MYO18B: variants seen among roughly 807,000 people sequenced by gnomAD.
MYO18B encodes the protein myosin XVIIIB.
In MYO18B, 204 loss-of-function variants were observed where a neutral mutation model predicts 273.0. That is an observed-to-expected ratio of 0.75 (90% CI 0.67 to 0.84). The LOEUF (loss-of-function observed/expected upper bound fraction) is 0.84, where lower values mean the gene tolerates loss of function less well. Ranked by LOEUF, MYO18B falls within the 40% of genes least tolerant of loss-of-function variation. The pLI is 0.00. For synonymous variants in MYO18B, 1,330 were observed against 1,305.7 expected, an observed-to-expected ratio of 1.02 and a Z score of -0.40; for missense variants, 3,212 against 3,287.6, an observed-to-expected ratio of 0.98 and a Z score of 0.56.
chr22:25,943,311 C>T (rs2092666076), intron 34 of MYO18B, among the ~76,000 whole-genome samples: 1 of 152,160 alleles, frequency 6.6e-6, no homozygotes, highest in East Asian at 1.9e-4. Context: ...CCCTTCCACC[C>T]CGGCTGGAGC....
chr22:25,993,445 C>A (rs1932915759), intron 40 of MYO18B, among the ~76,000 whole-genome samples: 1 of 152,214 alleles, frequency 6.6e-6, no homozygotes, highest in Admixed American at 6.5e-5. Context: ...TGCCCCTGTA[C>A]ACACCTGAGC....
intron 33 of MYO18B, among the ~76,000 whole-genome samples, chr22:25,916,552 A>G (rs1177172691): frequency 2.0e-5 from 3 of 151,946 alleles, no homozygotes; most frequent in Non-Finnish European, 4.4e-5. Flanking sequence ...TTTTCTTTTA[A>G]CCTGTAAGTT....
chr22:26,016,357 G>T (rs1483775425), intron 42 of MYO18B, among the ~76,000 whole-genome samples: 1 of 149,072 alleles, frequency 6.7e-6, no homozygotes, highest in Non-Finnish European at 1.5e-5. Flanking sequence ...GGTGTAGAAT[G>T]AGGGGTTCAA....
chr22:25,851,749 AAT>A (rs2090434033), intron 21 of MYO18B, among the ~76,000 whole-genome samples, 170 bp downstream of exon 21: 1 of 152,206 alleles, frequency 6.6e-6, no homozygotes. Flanking sequence ...CAGCCTGGGC[AAT>A]ATGACTTTGA....
chr22:25,917,129 T>C (rs2092272918), intron 33 of MYO18B, among the ~76,000 whole-genome samples: 1 of 152,180 alleles, frequency 6.6e-6, no homozygotes, highest in Non-Finnish European at 1.5e-5. Flanking sequence ...ACATGGCAAA[T>C]GAATCAACCT....
chr22:25,905,593 T>A (rs1274549565), intron 31 of MYO18B, among the ~76,000 whole-genome samples: 1 of 152,002 alleles, frequency 6.6e-6, no homozygotes, highest in Non-Finnish European at 1.5e-5. Context: ...AATGAGAGAG[T>A]TCTAGGCAGG....
At chr22:26,014,800 C>G (rs1328824876) in intron 42 of MYO18B, among the ~76,000 whole-genome samples, 9 of 152,146 alleles carry the variant, frequency 5.9e-5, no homozygotes, top group Non-Finnish European at 1.2e-4. Flanking sequence ...CTTTGCATTT[C>G]TAATGATCAG....
intron 39 of MYO18B, among the ~76,000 whole-genome samples, chr22:25,990,055 G>A (rs1440426398): frequency 2.0e-5 from 3 of 152,112 alleles, no homozygotes; most frequent in Non-Finnish European, 1.5e-5. Flanking sequence ...CCACCACCAC[G>A]GCGTCCTTCC....
intron 14 of MYO18B, among the ~76,000 whole-genome samples, chr22:25,828,414 A>G (rs1274952003): frequency 1.3e-5 from 2 of 152,240 alleles, no homozygotes; most frequent in South Asian, 2.1e-4. Context: ...TGTATTAAAT[A>G]AAATAGTTTT....
chr22:25,992,284 C>A, intron 39 of MYO18B, 79 bp from the exon 40 acceptor site: 1 of 1,553,990 alleles, frequency 6.4e-7, no homozygotes, highest in Non-Finnish European at 8.8e-7. Context: ...CAGCCTGGGG[C>A]GTGTCTCTTC....
At chr22:26,000,754 T>C (rs1368373386) in intron 40 of MYO18B, among the ~76,000 whole-genome samples, 2 of 152,126 alleles carry the variant, frequency 1.3e-5, no homozygotes, top group Non-Finnish European at 2.9e-5. Context: ...TTGGAGACCA[T>C]CTCAAATGGT....
At chr22:25,895,042 G>C in intron 27 of MYO18B, 114 bp from the exon 28 acceptor site, 1 of 1,278,394 alleles carries the variant, frequency 7.8e-7, no homozygotes, top group Non-Finnish European at 1.1e-6. Context: ...CAAGGGCTCT[G>C]TGAATATTGT....
the MYO18B span, among the ~76,000 whole-genome samples, chr22:26,062,106 A>G: frequency 6.6e-6 from 1 of 152,270 alleles, no homozygotes; most frequent in African/African-American, 2.4e-5. Flanking sequence ...GATATGATGA[A>G]TATTTGTTGT....
At chr22:25,900,588 G>C (rs547529103) in intron 29 of MYO18B, 2 of 152,270 alleles carry the variant, frequency 1.3e-5, no homozygotes, top group Non-Finnish European at 2.9e-5. Context: ...TGAAATTCCG[G>C]GTAAGCCCTG....
At chr22:25,921,126 A>G in intron 33 of MYO18B, 131 bp from the exon 34 acceptor site, 1 of 869,216 alleles carries the variant, frequency 1.2e-6, no homozygotes. Context: ...GGAGAGGAGA[A>G]TGGTCTTGTC....
At chr22:25,829,946 G>A (rs1003841864) in intron 15 of MYO18B, among the ~76,000 whole-genome samples, 11 of 152,190 alleles carry the variant, frequency 7.2e-5, no homozygotes, top group Middle Eastern at 3.4e-3. Flanking sequence ...ATGAACATAC[G>A]TGTGTCTCTA....
chr22:26,005,849 G>A (rs1022647467), intron 42 of MYO18B, among the ~76,000 whole-genome samples: 1 of 152,186 alleles, frequency 6.6e-6, no homozygotes, highest in African/African-American at 2.4e-5. Flanking sequence ...TTGGCAAATG[G>A]CAAATGTCTG....
chr22:25,947,571 G>C (rs1219674771), intron 35 of MYO18B, 141 bp from the exon 36 acceptor site: 2 of 559,140 alleles, frequency 3.6e-6, no homozygotes, highest in Non-Finnish European at 6.5e-6. Flanking sequence ...CACATGCATT[G>C]GTAACCACAG....
chr22:25,859,303 A>G (rs1026192958), intron 21 of MYO18B, among the ~76,000 whole-genome samples: 1 of 152,202 alleles, frequency 6.6e-6, no homozygotes, highest in Non-Finnish European at 1.5e-5. Context: ...TTTTCTGACT[A>G]TTATGAAAAA....
Sources: allele counts gnomAD v4.1 joint callset (sites outside exome capture counted in the v4.1 genomes callset), GRCh38; gene constraint gnomAD v4.1.1; transcripts MANE v1.5; gene names NCBI Gene and HGNC (gene_info 2026-07-23, HGNC 2026-07-21).